Variants in FAM234A observed in about 807,000 individuals in gnomAD.
The protein encoded by FAM234A is protein FAM234A.
FAM234A carries 42 observed loss-of-function variants against 49.1 expected under a neutral mutation model. The ratio of observed to expected loss-of-function variants is 0.86; its 90% CI spans 0.67 to 1.11. FAM234A has a LOEUF of 1.11. Ranked by LOEUF, FAM234A falls within the 50% of genes least tolerant of loss-of-function variation. FAM234A has a pLI of 0.00. For synonymous variants in FAM234A, 369 were observed against 316.2 expected (o/e 1.17, Z -1.77); for missense variants, 815 against 745.2 (o/e 1.09, Z -1.09).
At chr16:256,913 T>C (rs1402291329) in intron 3 of FAM234A, among the ~76,000 whole-genome samples, 1 of 151,978 alleles carries the variant, frequency 6.6e-6, no homozygotes, top group East Asian at 1.9e-4. Flanking sequence ...CGGCTAATTT[T>C]GTATTTTTAG....
rs1047662618 is a variant in FAM234A, at chr16:262,506, C to T, written c.924C>T (p.His308=). Residue 308 remains histidine (H), a synonymous_variant, in exon 8 of 13, where the codon CAC becomes CAT. Transcript: ENST00000399932. Reference sequence around the variant, plus strand: ...GCGGCCCGTTCAAGAGTGACCCGCACTGGGAGAGCATGCTCAATGCCACCA... The same window carrying T: ...GCGGCCCGTTCAAGAGTGACCCGCATTGGGAGAGCATGCTCAATGCCACCA... ...GSGGPFKSDP[H]WESMLNATTR... is the part of the protein sequence containing the mutation. The T allele has an allele frequency of 6.2e-7, 1 of 1,612,384 alleles. No individual in the cohort carries two copies.
At chr16:258,012 C>A (rs2051305393) in intron 3 of FAM234A, among the ~76,000 whole-genome samples, 1 of 152,064 alleles carries the variant, frequency 6.6e-6, no homozygotes, top group African/African-American at 2.4e-5. Context: ...CGCCCGCCAC[C>A]ACGCCCGGCT....
intron 3 of FAM234A, among the ~76,000 whole-genome samples, chr16:258,277 TTTTC>T (rs1229418577): frequency 1.3e-5 from 2 of 151,838 alleles, no homozygotes; most frequent in African/African-American, 2.4e-5. Context: ...AGGTCTCTGG[TTTTC>T]CTAGGCAGAG....
At chr16:248,533 A>G (rs2050893802) in intron 1 of FAM234A, 1 of 152,016 alleles carries the variant, frequency 6.6e-6, no homozygotes, top group South Asian at 2.1e-4. Flanking sequence ...ATACTTCTGG[A>G]AGGACCCATA....
intron 2 of FAM234A, among the ~76,000 whole-genome samples, chr16:250,736 A>G (rs996800693): frequency 6.6e-6 from 1 of 151,952 alleles, no homozygotes; most frequent in Non-Finnish European, 1.5e-5. Flanking sequence ...CCTGTTCCGC[A>G]CCTGGCCCCC....
At chr16:258,105 C>T (rs924325226) in intron 3 of FAM234A, among the ~76,000 whole-genome samples, 18 of 151,070 alleles carry the variant, frequency 1.2e-4, no homozygotes, top group Non-Finnish European at 1.9e-4. Flanking sequence ...CCACCCGCCT[C>T]GGCCTCCTAA....
chr16:267,761 CACA>C (rs891657883), downstream of FAM234A, among the ~76,000 whole-genome samples: 3 of 145,990 alleles, frequency 2.1e-5, no homozygotes, highest in African/African-American at 5.0e-5. Context: ...GCCTCATACA[CACA>C]ACACGTGCAC....
chr16:268,414 C>T (rs3743878), downstream of FAM234A: 2,519 of 337,542 alleles, frequency 7.5e-3, 101 homozygotes, highest in East Asian at 0.11. Flanking sequence ...GCCCTACCGC[C>T]GAGAGAGTTG....
intron 1 of FAM234A, among the ~76,000 whole-genome samples, chr16:244,505 G>T (rs1023912878): frequency 1.3e-5 from 2 of 152,070 alleles, no homozygotes; most frequent in African/African-American, 4.8e-5. Flanking sequence ...GGAGAAGCTG[G>T]TTCTTCCTCT....
At chr16:239,219 G>T (rs1243778477) in intron 1 of FAM234A, among the ~76,000 whole-genome samples, 3 of 137,224 alleles carry the variant, frequency 2.2e-5, no homozygotes, top group African/African-American at 8.4e-5. Context: ...AGAATCGCTT[G>T]AACCCAGGAG....
chr16:262,260 A>G lies in FAM234A; in HGVS notation c.841+35A>G, dbSNP rs372127620. ...TTCTGCCACATCCCTGGCCAGCCTC[A>G]CTCGTGGAGCATGACTGCCCTGCGG... On this transcript the variant is annotated intron_variant, in intron 7 of 12. Transcript: ENST00000399932. 3.1e-6 allele frequency: 5 copies of G among 1,609,810 alleles called. No homozygotes were observed. In the African/African-American group the frequency reaches 6.7e-5, roughly 22 times the overall value.
chr16:269,051 C>G (rs2051795824), downstream of FAM234A: 1 of 1,106,650 alleles, frequency 9.0e-7, no homozygotes, highest in African/African-American at 1.5e-5. Flanking sequence ...GAACCCCCTC[C>G]CTGGGAATCC....
chr16:263,622 G>A (rs2051570504), intron 9 of FAM234A, 78 bp from the exon 10 acceptor site: 4 of 1,329,220 alleles, frequency 3.0e-6, no homozygotes, highest in Non-Finnish European at 4.3e-6. Flanking sequence ...CTGAGGGGCG[G>A]ACGTGTTCCT....
chr16:241,809 G>T (rs940289054), intron 1 of FAM234A, among the ~76,000 whole-genome samples: 1 of 151,410 alleles, frequency 6.6e-6, no homozygotes, highest in South Asian at 2.1e-4. Flanking sequence ...CCCAGCTACT[G>T]GGGAGGCTGA....
chr16:269,051 C>T, downstream of FAM234A: 2 of 1,106,650 alleles, frequency 1.8e-6, no homozygotes, highest in South Asian at 2.7e-5. Context: ...GAACCCCCTC[C>T]CTGGGAATCC....
rs1206300885 is a variant in FAM234A, at chr16:264,086, C to T, written c.1259C>T (p.Pro420Leu). Residue 420 changes from proline (P) to leucine (L), a missense_variant, in exon 11 of 13, where the codon CCA becomes CTA. Pro to Leu is a moderately conservative substitution (Grantham distance 98). Coordinates refer to ENST00000399932, the MANE Select transcript of FAM234A (RefSeq NM_032039.4). ...GCCCTCCCGAGCCTCCCTGGGGGTC[C>T]ACTGTCCGCCAGCCTGCCGACCGCA... is the stretch of plus-strand genomic sequence containing the variant. The part of the protein sequence containing the change: ...SLALPSLPGG[P>L]LSASLPTADH... 1 of 1,612,476 alleles carries T rather than the reference C, an allele frequency of 6.2e-7. No homozygotes were observed. Among genetic ancestry groups the T allele is most frequent in the Non-Finnish European group, 8.5e-7 (1 of 1,179,930 alleles).
At position 265,603 on chromosome 16, in the gene FAM234A, T is replaced by TG. The variant is rs1425764183; in HGVS notation, c.*587dup. 6 of 985,674 alleles carry TG rather than the reference T, an allele frequency of 6.1e-6. No individual in the cohort carries two copies. Among genetic ancestry groups the TG allele is most frequent in the Non-Finnish European group, 7.2e-6 (6 of 830,194 alleles). The allele number at this position is 985,674 out of a possible 1,614,324, so 61.1% of individuals were successfully genotyped here. On this transcript the variant is annotated 3_prime_UTR_variant, in exon 13 of 13. Coordinates refer to ENST00000399932, the MANE Select transcript of FAM234A (RefSeq NM_032039.4). ...GGAGCTACAGGGGGATCCTCTAGCA[T>TG]GGGGGGTGTGACTTGGTTCCTTTGA...
rs778642268 is a variant in FAM234A at position 263,240 on chromosome 16, T to G, written c.972-22T>G. On this transcript the variant is annotated intron_variant, in intron 8 of 12. Transcript: ENST00000399932. ...GGCCGCCCCGGGGACCCGGCGCCCC[T>G]TTCTCCCACTCTCCTGTCTAGCTCT... 38 of 1,607,142 alleles carry G rather than the reference T, an allele frequency of 2.4e-5. No individual in the cohort carries two copies. In the South Asian group the frequency reaches 3.2e-4, roughly 13 times the overall value.
chr16:264,250 C>G, intron 11 of FAM234A, 79 bp downstream of exon 11: 5 of 1,409,188 alleles, frequency 3.5e-6, no homozygotes, highest in Non-Finnish European at 4.7e-6. Context: ...GTGGAGTGCC[C>G]AGAAGCTCAT....
Sources: gnomAD v4.1 joint callset for allele counts (sites outside exome capture counted in the v4.1 genomes callset) on GRCh38, gnomAD v4.1.1 for gene constraint, MANE v1.5 for transcripts, NCBI Gene and HGNC (gene_info 2026-07-23, HGNC 2026-07-21) for gene names.